The following SLIT3 variants were observed in gnomAD, a reference collection of about 807,000 sequenced individuals.
SLIT3 encodes slit homolog 3 protein.
SLIT3 carries 68 observed loss-of-function variants against 184.0 expected under a neutral mutation model. The observed-to-expected ratio is 0.37, with a 90% CI of 0.30 to 0.45. SLIT3 has a LOEUF of 0.45. Among genes scored for constraint, SLIT3 ranks in the 20% least tolerant of loss-of-function variants. The pLI is 1.00. For missense variants in SLIT3, 1,707 were observed against 2,026.0 expected (o/e 0.84, Z 3.02); for synonymous variants, 831 against 828.6 (o/e 1.00, Z -0.05).
At chr5:168,693,933 A>C (rs1386505295) in intron 28 of SLIT3, among the ~76,000 whole-genome samples, 1 of 152,198 alleles carries the variant, frequency 6.6e-6, no homozygotes, top group Non-Finnish European at 1.5e-5. Flanking sequence ...AGAGAAGCAG[A>C]CAAGTATCTG....
intron 4 of SLIT3, among the ~76,000 whole-genome samples, chr5:169,160,747 T>C (rs1436006704): frequency 1.3e-5 from 2 of 152,148 alleles, no homozygotes; most frequent in Non-Finnish European, 2.9e-5. Context: ...CTGATTTTTT[T>C]CCACATTTCA....
intron 26 of SLIT3, chr5:168,706,900 C>G (rs965360370): frequency 1.3e-5 from 2 of 152,330 alleles, no homozygotes; most frequent in African/African-American, 2.4e-5. Flanking sequence ...CCAGCTCACT[C>G]TCACTCCACC....
At chr5:169,009,881 A>C (rs1053343061) in intron 4 of SLIT3, among the ~76,000 whole-genome samples, 4 of 152,164 alleles carry the variant, frequency 2.6e-5, no homozygotes, top group African/African-American at 9.7e-5. Context: ...CTATTAATTT[A>C]TATTTATTTT....
At chr5:169,177,855 G>T (rs1763031849) in intron 4 of SLIT3, among the ~76,000 whole-genome samples, 1 of 152,096 alleles carries the variant, frequency 6.6e-6, no homozygotes, top group Non-Finnish European at 1.5e-5. Context: ...CCTTCCTTTG[G>T]ATGGCACTGC....
Position 169,300,831 on chromosome 5 carries a change from G to A in SLIT3, c.-122C>T, listed in dbSNP as rs1315842188. 16 of 1,047,478 alleles carry A rather than the reference G, an allele frequency of 1.5e-5. No homozygotes were observed. The South Asian group carries it at 5.4e-4, about 35-fold the overall frequency. 64.9% of individuals were successfully genotyped at this position (1,047,478 alleles called of 1,614,324 possible). A position where few individuals can be genotyped will look rare whatever the true frequency, so the allele number is the denominator to read the frequency against. On this transcript the variant is annotated 5_prime_UTR_variant, in exon 1 of 36. Transcript: ENST00000519560. The surrounding 1 kb of genome is among the most constrained non-coding windows in gnomAD (Gnocchi z 4.1). ...CGGGCGGCGGAGTTAGCGCGGAGGA[G>A]GGGCGAGCTCGGTGCTCAGGCGCAC... is the stretch of plus-strand genomic sequence containing the variant.
chr5:169,273,729 A>G (rs1766709308), intron 1 of SLIT3, among the ~76,000 whole-genome samples: 1 of 152,182 alleles, frequency 6.6e-6, no homozygotes, highest in African/African-American at 2.4e-5. Context: ...ATTGGGCTTA[A>G]GATAAGGTAA....
In SLIT3 at chr5:168,673,263, A is replaced by C. The variant is rs1302357770; in HGVS notation, c.3755T>G (p.Leu1252Arg). The change falls in exon 33 of 36, where the codon CTA (leucine) becomes CGA (arginine). Residue 1252 changes from leucine (L) to arginine (R), a missense_variant. Physicochemically the swap from Leu to Arg is moderately radical, Grantham distance 102 (BLOSUM62 -2). Coordinates refer to ENST00000519560, the MANE Select transcript of SLIT3 (RefSeq NM_003062.4). ...CTTTGGAGTTCCTTTGTCCACTACT[A>C]GGTTCAGGGTCTGGTTTAGCGTCAC... ...ELVTLNQTLNLVVDKGTPKSL... is the reference protein window; with the variant it reads ...ELVTLNQTLNRVVDKGTPKSL... 6.2e-7 allele frequency: 1 copy of C among 1,613,910 alleles called. No individual in the cohort carries two copies.
intron 6 of SLIT3, among the ~76,000 whole-genome samples, chr5:168,835,616 C>T (rs1307849823): frequency 6.6e-6 from 1 of 151,946 alleles, no homozygotes; most frequent in Non-Finnish European, 1.5e-5. Context: ...CGAGACCAGA[C>T]TGGCCAACGT....
intron 1 of SLIT3, among the ~76,000 whole-genome samples, chr5:169,293,353 T>G (rs1481430022): frequency 6.6e-6 from 1 of 152,066 alleles, no homozygotes; most frequent in African/African-American, 2.4e-5. Context: ...CAAAGGAGGC[T>G]AACTGACCAC....
intron 4 of SLIT3, among the ~76,000 whole-genome samples, chr5:168,883,943 G>C (rs745597636): frequency 2.6e-5 from 4 of 152,106 alleles, no homozygotes; most frequent in Non-Finnish European, 4.4e-5. Context: ...TCCATGCAAA[G>C]TGGGGGTCCC....
chr5:169,163,892 C>T lies in SLIT3; in HGVS notation c.413+29587G>A, dbSNP rs116631968. 8.3e-3 allele frequency among the ~76,000 whole-genome samples: 1,259 copies of T among 152,250 alleles called. 25 individuals carry two copies. Among genetic ancestry groups the T allele is most frequent in the African/African-American group, 0.029 (1,192 of 41,542 alleles). ...CCAAGGCAAATTCCTCAAACTTTTG[C>T]CCCATTCGTTCCTTTGGGCCTGGGC... On this transcript the variant is annotated intron_variant, in intron 4 of 35. Transcript: ENST00000519560.
At chr5:168,865,337 A>G (rs1253419443) in intron 5 of SLIT3, among the ~76,000 whole-genome samples, 1 of 152,194 alleles carries the variant, frequency 6.6e-6, no homozygotes, top group Non-Finnish European at 1.5e-5. Context: ...AAACAATCCA[A>G]ATGCCCATCA....
At chr5:169,002,504 G>A (rs1419675925) in intron 4 of SLIT3, among the ~76,000 whole-genome samples, 1 of 152,106 alleles carries the variant, frequency 6.6e-6, no homozygotes, top group Non-Finnish European at 1.5e-5. Context: ...GGATGGACTT[G>A]CAAACCCAGT....
At chr5:168,928,767 G>A (rs1761904251) in intron 4 of SLIT3, among the ~76,000 whole-genome samples, 1 of 152,184 alleles carries the variant, frequency 6.6e-6, no homozygotes, top group Admixed American at 6.5e-5. Flanking sequence ...AGCACTTTTA[G>A]AGCCAAGGCA....
chr5:169,162,980 T>C (rs1762525268), intron 4 of SLIT3, among the ~76,000 whole-genome samples: 1 of 151,270 alleles, frequency 6.6e-6, no homozygotes, highest in South Asian at 2.1e-4. Flanking sequence ...CAACACAGAG[T>C]AAATATCTCA....
intron 4 of SLIT3, among the ~76,000 whole-genome samples, chr5:169,131,604 C>T (rs185891793): frequency 2.0e-5 from 3 of 152,222 alleles, no homozygotes; most frequent in Admixed American, 1.3e-4. Context: ...TGCAGGTTTA[C>T]GATCATGCAC....
intron 4 of SLIT3, among the ~76,000 whole-genome samples, chr5:168,944,988 G>T (rs1405485597): frequency 2.0e-5 from 3 of 152,136 alleles, no homozygotes; most frequent in African/African-American, 7.2e-5. Flanking sequence ...CCCCAACTGG[G>T]ACTGACCTGT....
intron 7 of SLIT3, among the ~76,000 whole-genome samples, chr5:168,818,330 T>G (rs1256701639): frequency 6.6e-6 from 1 of 152,224 alleles, no homozygotes; most frequent in Non-Finnish European, 1.5e-5. Flanking sequence ...GAGGGATCTG[T>G]GTGTTTCACT....
chr5:169,122,765 G>A (rs190168885), intron 4 of SLIT3, among the ~76,000 whole-genome samples: 12 of 152,228 alleles, frequency 7.9e-5, no homozygotes, highest in South Asian at 2.1e-4. Context: ...GTCTATGACC[G>A]ACCTTTCAAC....
Sources: allele counts gnomAD v4.1 joint callset (sites outside exome capture counted in the v4.1 genomes callset), GRCh38; gene constraint gnomAD v4.1.1; non-coding constraint Gnocchi (gnomAD v3.1); transcripts MANE v1.5; gene names NCBI Gene and HGNC (gene_info 2026-07-23, HGNC 2026-07-21).